Variants in CNGB1 observed in about 807,000 individuals in gnomAD.
The protein encoded by CNGB1 is cyclic nucleotide gated channel subunit beta 1.
In CNGB1, 126 loss-of-function variants were observed where a neutral mutation model predicts 151.7. The ratio of observed to expected loss-of-function variants is 0.83; its 90% CI spans 0.72 to 0.96. The LOEUF is 0.96. Ranked by LOEUF, CNGB1 falls within the 40% of genes least tolerant of loss-of-function variation. The probability of loss-of-function intolerance (pLI) is 0.00; values close to 1 mark genes in which losing one functional copy is unlikely to be tolerated. For synonymous variants in CNGB1, 623 were observed against 635.1 expected (o/e 0.98, Z 0.29); for missense variants, 1,698 against 1,627.0 (o/e 1.04, Z -0.75).
At chr16:57,963,841 CTAAT>C in intron 4 of CNGB1, 2 of 505,260 alleles carry the variant, frequency 4.0e-6, no homozygotes, top group Admixed American at 3.2e-5. Context: ...AATTAACAGT[CTAAT>C]GAATGAATGA....
At chr16:57,961,422 A>C (rs1485717301) in intron 7 of CNGB1, among the ~76,000 whole-genome samples, 3 of 152,328 alleles carry the variant, frequency 2.0e-5, no homozygotes, top group Admixed American at 6.5e-5. Flanking sequence ...ATTGGATCCC[A>C]AATCCATCTG....
intron 25 of CNGB1, among the ~76,000 whole-genome samples, chr16:57,906,794 T>C (rs1328540257): frequency 6.6e-6 from 1 of 152,166 alleles, no homozygotes; most frequent in East Asian, 1.9e-4. Context: ...CCTTCCTAGC[T>C]GGAGGAATCT....
At chr16:57,887,544 C>T (rs1355226763) in intron 32 of CNGB1, among the ~76,000 whole-genome samples, 2 of 151,958 alleles carry the variant, frequency 1.3e-5, no homozygotes, top group Non-Finnish European at 2.9e-5. Context: ...TCTTGAGAAC[C>T]TGTCTGGAGA....
rs542453002 is a variant in CNGB1 at position 57,951,090 on chromosome 16, T to A, written c.875-550A>T. 1.1e-4 allele frequency among the ~76,000 whole-genome samples: 17 copies of A among 152,266 alleles called. No homozygotes were observed. The South Asian group carries it at 3.5e-3, about 32-fold the overall frequency. ...TAGAGGCTCCGCCCTCCAGGGAAAC[T>A]CATCTTTCTCATGGGGGTGGTCCCA... On this transcript the variant is annotated intron_variant, in intron 12 of 32. Coordinates refer to ENST00000251102, the MANE Select transcript of CNGB1 (RefSeq NM_001297.5).
chr16:57,964,147 C>T lies in CNGB1; in HGVS notation c.273G>A (p.Glu91=). Residue 91 remains glutamate (E), a synonymous_variant, in exon 4 of 33, where the codon GAG becomes GAA. Transcript: ENST00000251102. ...TGCAGTACCTATTCATTTCAGAAAT[C>T]TCAGCGCCCTGGGCCCGGAGGGATA... is the stretch of plus-strand genomic sequence containing the variant. ...STISLRAQGA[E]ISEMNSPSRR... is the part of the protein sequence containing the mutation. 2 of 1,614,192 alleles carry T rather than the reference C, an allele frequency of 1.2e-6. No homozygotes were observed. Among genetic ancestry groups the T allele is most frequent in the Non-Finnish European group, 1.7e-6 (2 of 1,180,030 alleles).
chr16:57,940,335 C>T lies in CNGB1; in HGVS notation c.1122-14G>A, dbSNP rs371549927. On this transcript the variant is annotated splice_polypyrimidine_tract_variant and intron_variant, in intron 14 of 32. Transcript: ENST00000251102. ...TCCAGCAGCACCCTGTGACCCGGGGCGGGGTGGGGAGGATAAAAGGACTGG... is the reference window on the plus strand; with the variant it reads ...TCCAGCAGCACCCTGTGACCCGGGGTGGGGTGGGGAGGATAAAAGGACTGG... 1.9e-6 allele frequency: 3 copies of T among 1,567,856 alleles called. No individual in the cohort carries two copies. The highest frequency in any genetic ancestry group is 2.3e-5 in the East Asian group (1 of 42,806).
intron 25 of CNGB1, among the ~76,000 whole-genome samples, chr16:57,910,983 C>T (rs1313563426): frequency 1.3e-5 from 2 of 152,040 alleles, no homozygotes; most frequent in Admixed American, 6.6e-5. Flanking sequence ...CATCATCATC[C>T]CTTTGGCAAG....
chr16:57,943,979 C>T (rs1029045315), intron 14 of CNGB1, among the ~76,000 whole-genome samples: 2 of 152,090 alleles, frequency 1.3e-5, no homozygotes, highest in South Asian at 2.1e-4. Context: ...CCTCAGCCTC[C>T]CGAGTTCAAG....
intron 14 of CNGB1, 118 bp downstream of exon 14, chr16:57,949,235 T>C: frequency 6.3e-7 from 1 of 1,575,504 alleles, no homozygotes; most frequent in Non-Finnish European, 8.6e-7. Context: ...AGCCCAGCCT[T>C]ACACAGCACA....
At chr16:57,918,038 CATGGATGGATGGATGGATGG>C (rs71155216) in intron 20 of CNGB1, among the ~76,000 whole-genome samples, 1 of 149,738 alleles carries the variant, frequency 6.7e-6, no homozygotes, top group Non-Finnish European at 1.5e-5. Flanking sequence ...CAGGTGAATG[CATGGATGGATGGATGGATGG>C]ATGGATGGAT....
At chr16:57,955,076 G>A (rs1256616574) in intron 12 of CNGB1, 16 of 1,353,338 alleles carry the variant, frequency 1.2e-5, no homozygotes, top group Non-Finnish European at 1.5e-5. Context: ...CCCTCTGGGG[G>A]TAAGTCCTGC....
intron 14 of CNGB1, among the ~76,000 whole-genome samples, chr16:57,946,855 A>G (rs1172617574): frequency 1.3e-5 from 2 of 152,196 alleles, no homozygotes; most frequent in Non-Finnish European, 2.9e-5. Context: ...CTGGAGCCCA[A>G]AAGTTCCCCA....
At chr16:57,939,399 C>A (rs556116869) in intron 16 of CNGB1, 31 bp downstream of exon 16, 2 of 1,613,632 alleles carry the variant, frequency 1.2e-6, no homozygotes, top group South Asian at 1.1e-5. Context: ...GACATTCTTG[C>A]GCAACCCATC....
At chr16:57,941,653 T>C (rs1961670778) in intron 14 of CNGB1, among the ~76,000 whole-genome samples, 1 of 152,090 alleles carries the variant, frequency 6.6e-6, no homozygotes, top group African/African-American at 2.4e-5. Flanking sequence ...TCAACATCAT[T>C]CCATGATCAA....
intron 31 of CNGB1, among the ~76,000 whole-genome samples, chr16:57,889,947 C>T (rs1242937804): frequency 4.6e-5 from 7 of 152,122 alleles, no homozygotes; most frequent in African/African-American, 7.2e-5. Flanking sequence ...GGGGGAGTGA[C>T]GTGCCCAAGG....
At chr16:57,964,885 G>A (rs1418193862) in intron 2 of CNGB1, among the ~76,000 whole-genome samples, 1 of 152,150 alleles carries the variant, frequency 6.6e-6, no homozygotes, top group Non-Finnish European at 1.5e-5. Context: ...GAAGCCTTGG[G>A]GCTGGCTGAG....
intron 12 of CNGB1, among the ~76,000 whole-genome samples, chr16:57,950,954 G>A (rs1961933822): frequency 6.7e-6 from 1 of 149,232 alleles, no homozygotes; most frequent in Admixed American, 6.6e-5. Flanking sequence ...TTGTCCTGGG[G>A]GATGCAGAGA....
chr16:57,962,765 AGGGGCAG>A (rs1240357737), intron 6 of CNGB1, 70 bp downstream of exon 6: 2 of 1,593,774 alleles, frequency 1.3e-6, no homozygotes, highest in Non-Finnish European at 1.7e-6. Flanking sequence ...GAGGCTCCCA[AGGGGCAG>A]GGCCCATCCC....
chr16:57,905,222 T>C (rs72782252), intron 25 of CNGB1, among the ~76,000 whole-genome samples: 3 of 152,338 alleles, frequency 2.0e-5, no homozygotes, highest in Admixed American at 1.3e-4. Context: ...TTTCCTTCAG[T>C]GTTCCTTCAA....
Sources: gnomAD v4.1 joint callset for allele counts (sites outside exome capture counted in the v4.1 genomes callset) on GRCh38, gnomAD v4.1.1 for gene constraint, MANE v1.5 for transcripts, NCBI Gene and HGNC (gene_info 2026-07-23, HGNC 2026-07-21) for gene names.